The following DAB1 variants were observed in gnomAD, a reference collection of about 807,000 sequenced individuals.
DAB1 encodes the protein DAB adaptor protein 1.
DAB1 carries 15 observed loss-of-function variants against 64.6 expected under a neutral mutation model. The ratio of observed to expected loss-of-function variants is 0.23; its 90% CI spans 0.16 to 0.36. The LOEUF (loss-of-function observed/expected upper bound fraction) is 0.36. Among genes scored for constraint, DAB1 ranks in the 10% least tolerant of loss-of-function variants. DAB1 has a pLI of 1.00. For synonymous variants in DAB1, 235 were observed against 251.9 expected, an observed-to-expected ratio of 0.93 and a Z score of 0.64; for missense variants, 596 against 706.7, an observed-to-expected ratio of 0.84 and a Z score of 1.78.
At chr1:57,146,259 G>A (rs1659123449) in intron 2 of DAB1, among the ~76,000 whole-genome samples, 1 of 152,178 alleles carries the variant, frequency 6.6e-6, no homozygotes, top group African/African-American at 2.4e-5. Context: ...AGTTTAGGTA[G>A]CTTGCCCAAG....
chr1:57,398,730 A>G (rs945731770), intron 1 of DAB1, among the ~76,000 whole-genome samples: 3 of 152,234 alleles, frequency 2.0e-5, no homozygotes, highest in African/African-American at 7.2e-5. Flanking sequence ...ATAACTCCCC[A>G]AACGTCTTAA....
intron 7 of DAB1, among the ~76,000 whole-genome samples, chr1:57,616,616 A>G (rs1272446066): frequency 2.0e-5 from 3 of 152,180 alleles, no homozygotes; most frequent in African/African-American, 7.2e-5. Flanking sequence ...TAGATAATCT[A>G]TGGTTTCCTA....
intron 4 of DAB1, among the ~76,000 whole-genome samples, chr1:58,311,405 A>AAAT (rs3055506): frequency 0.76 from 115,783 of 151,818 alleles, 44,994 homozygotes; most frequent in African/African-American, 0.91. Flanking sequence ...CTCCTAATAA[A>AAAT]AATAATACCA....
At chr1:57,123,964 A>G (rs940266509) in intron 4 of DAB1, among the ~76,000 whole-genome samples, 5 of 152,140 alleles carry the variant, frequency 3.3e-5, no homozygotes, top group Admixed American at 1.3e-4. Context: ...TAAATTTTCT[A>G]CAATAAATAT....
rs1200682055 is a variant in DAB1 at position 57,990,309 on chromosome 1, G to GC, written n.388-106148dup. Reference sequence around the variant, plus strand: ...TAAGTTACTCTCCCATAATCACACAGCCAGTAAATGACAGAAATGGGATCC... The same window carrying GC: ...TAAGTTACTCTCCCATAATCACACAGCCCAGTAAATGACAGAAATGGGATCC... On this transcript the variant is annotated intron_variant and non_coding_transcript_variant, in intron 5 of 20. Transcript: ENST00000485760. Among the ~76,000 whole-genome samples, 5 of 152,314 alleles carry GC rather than the reference G, an allele frequency of 3.3e-5. No homozygotes were observed. The East Asian group carries it at 9.6e-4, about 29-fold the overall frequency.
intron 7 of DAB1, among the ~76,000 whole-genome samples, chr1:57,434,206 C>A (rs1465669585): frequency 6.6e-6 from 1 of 152,050 alleles, no homozygotes; most frequent in Non-Finnish European, 1.5e-5. Flanking sequence ...CCATTTTATT[C>A]ATAATAGGTC....
chr1:57,311,366 A>C (rs17115589), intron 1 of DAB1, among the ~76,000 whole-genome samples: 2,611 of 152,196 alleles, frequency 0.017, 66 homozygotes, highest in African/African-American at 0.06. Context: ...GGATTCCTGA[A>C]GCCTGAGCAC....
chr1:57,322,395 C>G (rs1381389928), intron 1 of DAB1, among the ~76,000 whole-genome samples: 2 of 152,156 alleles, frequency 1.3e-5, no homozygotes, highest in East Asian at 3.9e-4. Flanking sequence ...GTAAGCCTCT[C>G]TCTTCCTATT....
intron 7 of DAB1, among the ~76,000 whole-genome samples, chr1:57,551,338 A>C (rs913149621): frequency 6.6e-6 from 1 of 152,190 alleles, no homozygotes; most frequent in African/African-American, 2.4e-5. Flanking sequence ...CTGGAATGCC[A>C]GCCTCTCCCT....
intron 4 of DAB1, among the ~76,000 whole-genome samples, chr1:58,194,460 T>G (rs947239932): frequency 6.6e-6 from 1 of 152,258 alleles, no homozygotes; most frequent in African/African-American, 2.4e-5. Context: ...TGTCCTCAAT[T>G]TTTAAAACTT....
intron 4 of DAB1, among the ~76,000 whole-genome samples, chr1:57,079,363 C>A (rs1320698266): frequency 6.6e-6 from 1 of 152,100 alleles, no homozygotes; most frequent in Non-Finnish European, 1.5e-5. Context: ...CTTCCAAGTA[C>A]CTTTTGCTTG....
intron 7 of DAB1, among the ~76,000 whole-genome samples, chr1:57,455,502 G>A (rs567368022): frequency 1.3e-5 from 2 of 152,206 alleles, no homozygotes; most frequent in Admixed American, 6.5e-5. Flanking sequence ...GGAATGTTAC[G>A]ATTAGGGTAG....
intron 7 of DAB1, among the ~76,000 whole-genome samples, chr1:57,577,717 A>C (rs769208233): frequency 4.6e-5 from 7 of 152,164 alleles, no homozygotes; most frequent in African/African-American, 1.7e-4. Flanking sequence ...CCTGAGCTCC[A>C]CAAAACCTGC....
At chr1:56,998,490 T>C (rs1429042163) in intron 14 of DAB1, among the ~76,000 whole-genome samples, 1 of 152,092 alleles carries the variant, frequency 6.6e-6, no homozygotes, top group African/African-American at 2.4e-5. Context: ...TCCTACGGGG[T>C]TCTTGAGGGA....
intron 4 of DAB1, among the ~76,000 whole-genome samples, chr1:58,155,087 C>T (rs1026962734): frequency 5.6e-4 from 85 of 152,274 alleles, no homozygotes; most frequent in African/African-American, 2.0e-3. Context: ...AGAAGAGGGC[C>T]TCAGGGCCGG....
intron 7 of DAB1, among the ~76,000 whole-genome samples, chr1:57,629,696 G>A (rs1645964051): frequency 6.7e-6 from 1 of 150,186 alleles, no homozygotes; most frequent in African/African-American, 2.4e-5. Flanking sequence ...ATGCTGCCTA[G>A]GTAGTTAGAA....
intron 1 of DAB1, among the ~76,000 whole-genome samples, chr1:57,400,993 TAAA>T (rs11462115): frequency 7.3e-6 from 1 of 137,868 alleles, no homozygotes; most frequent in Non-Finnish European, 1.6e-5. Flanking sequence ...AGCTCTCTCT[TAAA>T]AAAAAAAAAA....
chr1:57,441,262 T>TCTTTC (rs201519497), intron 7 of DAB1, among the ~76,000 whole-genome samples: 7 of 55,738 alleles, frequency 1.3e-4, no homozygotes, highest in South Asian at 6.7e-4. Context: ...TTCTTTTCTT[T>TCTTTC]TCTTTCTTTC....
chr1:57,952,212 A>C (rs1645295153), intron 5 of DAB1, among the ~76,000 whole-genome samples: 1 of 152,174 alleles, frequency 6.6e-6, no homozygotes, highest in African/African-American at 2.4e-5. Context: ...TCTCAAAATG[A>C]ATTTACTTGT....
Sources: allele counts gnomAD v4.1 joint callset (sites outside exome capture counted in the v4.1 genomes callset), GRCh38; gene constraint gnomAD v4.1.1; transcripts MANE v1.5; gene names NCBI Gene and HGNC (gene_info 2026-07-23, HGNC 2026-07-21).